The following SESTD1 variants were observed in gnomAD, a reference collection of about 807,000 sequenced individuals.
SESTD1 encodes SEC14 domain and spectrin repeat-containing protein 1.
A neutral mutation model predicts 101.7 loss-of-function variants in SESTD1; 43 were observed. The observed-to-expected ratio is 0.42, with a 90% confidence interval of 0.33 to 0.55. The LOEUF is 0.55. SESTD1 is among the 20% of genes least tolerant of loss of function. The pLI is 0.07. For missense variants in SESTD1, 647 were observed against 815.1 expected, an observed-to-expected ratio of 0.79 and a Z score of 2.51; for synonymous variants, 283 against 286.8, an observed-to-expected ratio of 0.99 and a Z score of 0.13.
intron 1 of SESTD1, among the ~76,000 whole-genome samples, chr2:179,245,914 T>C (rs1376181933): frequency 6.6e-6 from 1 of 152,070 alleles, no homozygotes; most frequent in South Asian, 2.1e-4. Context: ...ACTTCAAATA[T>C]ACTAAAAAGG....
rs961983719 is a variant in SESTD1, at chr2:179,102,162, T to C, written c.*7737A>G. 1 of 152,146 alleles carries C rather than the reference T, an allele frequency of 6.6e-6. No homozygotes were observed. Among genetic ancestry groups the C allele is most frequent in the African/African-American group, 2.4e-5 (1 of 41,436 alleles). The allele number at this position is 152,146 out of a possible 1,614,324, so 9.4% of individuals were successfully genotyped here. On this transcript the variant is annotated 3_prime_UTR_variant, in exon 18 of 18. Coordinates refer to ENST00000428443, the MANE Select transcript of SESTD1 (RefSeq NM_178123.5). ...TGGTGAGAACCTATTTCTGACAACA[T>C]GAGACGTAGAGAAAGCACTGAACTT...
intron 1 of SESTD1, among the ~76,000 whole-genome samples, chr2:179,227,661 T>C (rs1011910096): frequency 1.3e-5 from 2 of 152,190 alleles, no homozygotes; most frequent in African/African-American, 4.8e-5. Flanking sequence ...AGAGCTTTCT[T>C]AAAGTCTCAC....
chr2:179,157,498 GTTTC>G (rs2045654049), intron 5 of SESTD1, among the ~76,000 whole-genome samples: 1 of 151,982 alleles, frequency 6.6e-6, no homozygotes, highest in African/African-American at 2.4e-5. Context: ...CAGTGTCATT[GTTTC>G]TTTGTTTTCA....
chr2:179,222,422 T>C (rs2046828356), intron 1 of SESTD1, among the ~76,000 whole-genome samples: 1 of 152,178 alleles, frequency 6.6e-6, no homozygotes, highest in African/African-American at 2.4e-5. Context: ...ACCCAATAAA[T>C]GGCATTTATT....
intron 5 of SESTD1, among the ~76,000 whole-genome samples, chr2:179,152,522 G>A (rs2105451704): frequency 6.6e-6 from 1 of 152,188 alleles, no homozygotes; most frequent in East Asian, 1.9e-4. Context: ...ACAACTTAAG[G>A]AGGACTTGTG....
At chr2:179,164,408 A>G (rs958952544) in intron 5 of SESTD1, among the ~76,000 whole-genome samples, 1 of 152,176 alleles carries the variant, frequency 6.6e-6, no homozygotes. Flanking sequence ...ACAAAAAAGG[A>G]GAGTGGAGAT....
At chr2:179,219,396 G>C (rs2046771264) in intron 1 of SESTD1, among the ~76,000 whole-genome samples, 1 of 152,228 alleles carries the variant, frequency 6.6e-6, no homozygotes, top group Non-Finnish European at 1.5e-5. Flanking sequence ...AAACCCATTA[G>C]GGTAGCGTAG....
At chr2:179,261,414 G>C (rs62177338) in intron 1 of SESTD1, among the ~76,000 whole-genome samples, 8,492 of 152,086 alleles carry the variant, frequency 0.056, 327 homozygotes, top group South Asian at 0.14. Context: ...CTTATTAACT[G>C]TAAGGTTAAA....
chr2:179,132,935 A>C (rs2045044508), intron 9 of SESTD1, among the ~76,000 whole-genome samples: 2 of 152,220 alleles, frequency 1.3e-5, no homozygotes, highest in African/African-American at 4.8e-5. Flanking sequence ...GCATTGAAAA[A>C]ACTGACTGAA....
intron 1 of SESTD1, among the ~76,000 whole-genome samples, chr2:179,237,230 A>G (rs1335339469): frequency 1.3e-5 from 2 of 149,990 alleles, no homozygotes. Flanking sequence ...AGCTTCTGTG[A>G]AAAAAAAAAT....
intron 1 of SESTD1, chr2:179,264,146 C>G (rs780698499): frequency 6.6e-6 from 1 of 152,226 alleles, no homozygotes; most frequent in Non-Finnish European, 1.5e-5. Context: ...CCCTTTCACC[C>G]AGAAATGAAC....
At chr2:179,176,660 G>A in intron 3 of SESTD1, 122 bp from the exon 4 acceptor site, 1 of 569,700 alleles carries the variant, frequency 1.8e-6, no homozygotes, top group Admixed American at 3.8e-5. Context: ...ACTTGGTTTA[G>A]TTTACATTGT....
intron 1 of SESTD1, among the ~76,000 whole-genome samples, chr2:179,217,457 G>T (rs113890150): frequency 6.6e-6 from 1 of 152,132 alleles, no homozygotes; most frequent in Non-Finnish European, 1.5e-5. Context: ...TTAGAATGGC[G>T]ATTATTAAAA....
rs772963249 is a variant in SESTD1, at chr2:179,116,663, T to C, written c.1647+5A>G. 4.3e-6 allele frequency: 7 copies of C among 1,614,130 alleles called. No homozygotes were observed. In the East Asian group the frequency reaches 1.3e-4, roughly 31 times the overall value. On this transcript the variant is annotated splice_donor_5th_base_variant and intron_variant, in intron 15 of 17. Transcript: ENST00000428443. The stretch of plus-strand genomic sequence containing the variant: ...TGTGGAAAAGGAAGATAACCAGTTT[T>C]GCACCTGTGCAACATCAACAAATTT...
At chr2:179,115,761 TTG>T (rs1350008783) in intron 15 of SESTD1, among the ~76,000 whole-genome samples, 1 of 151,922 alleles carries the variant, frequency 6.6e-6, no homozygotes, top group Admixed American at 6.6e-5. Flanking sequence ...AAAACAAAAA[TTG>T]TTTTAAAATT....
chr2:179,249,533 G>T (rs1559161884), intron 1 of SESTD1, among the ~76,000 whole-genome samples: 1 of 152,086 alleles, frequency 6.6e-6, no homozygotes, highest in African/African-American at 2.4e-5. Context: ...AACATTGAGA[G>T]ACATAACATG....
intron 3 of SESTD1, among the ~76,000 whole-genome samples, chr2:179,180,072 T>A (rs745773034): frequency 2.0e-5 from 3 of 152,166 alleles, no homozygotes; most frequent in Admixed American, 6.6e-5. Flanking sequence ...TTCATAGCAC[T>A]CATGAATATC....
intron 9 of SESTD1, among the ~76,000 whole-genome samples, chr2:179,133,975 C>A (rs7578417): frequency 0.022 from 3,304 of 152,246 alleles, 113 homozygotes; most frequent in African/African-American, 0.072. Flanking sequence ...TACACTATAA[C>A]AGCTATTTTC....
intron 1 of SESTD1, among the ~76,000 whole-genome samples, chr2:179,241,150 A>G (rs2047146988): frequency 6.6e-6 from 1 of 152,216 alleles, no homozygotes; most frequent in Admixed American, 6.5e-5. Flanking sequence ...AGAATATAGT[A>G]GAAGTTGCAT....
Sources: gnomAD v4.1 joint callset for allele counts (sites outside exome capture counted in the v4.1 genomes callset) on GRCh38, gnomAD v4.1.1 for gene constraint, MANE v1.5 for transcripts, NCBI Gene and HGNC (gene_info 2026-07-23, HGNC 2026-07-21) for gene names.